Variants in DEFB110 observed in about 807,000 individuals in gnomAD.
The protein encoded by DEFB110 is defensin beta 110.
DEFB110 carries 4 observed loss-of-function variants against 2.5 expected under a neutral mutation model. The observed-to-expected ratio is 1.60, with a 90% CI of 0.79 to 3.66. The LOEUF (loss-of-function observed/expected upper bound fraction) is 3.66, where lower values mean the gene tolerates loss of function less well. Among genes scored for constraint, DEFB110 ranks in the 30% most tolerant of loss-of-function variants. DEFB110 has a pLI of 0.01. For synonymous variants in DEFB110, 29 were observed against 21.8 expected (o/e 1.33, Z -0.92); for missense variants, 94 against 75.4 (o/e 1.25, Z -0.91).
chr6:50,018,149 G>A (rs554991003), downstream of DEFB110, among the ~76,000 whole-genome samples: 6 of 152,036 alleles, frequency 3.9e-5, no homozygotes, highest in Non-Finnish European at 5.9e-5. Context: ...GAATACTGTG[G>A]CTCCTCAGAG....
chr6:50,019,549 T>A (rs760228136), intron 1 of DEFB110, among the ~76,000 whole-genome samples: 2 of 152,036 alleles, frequency 1.3e-5, no homozygotes, highest in African/African-American at 4.8e-5. Context: ...TGATTTTGCT[T>A]CTCTAAAATG....
At chr6:50,016,609 G>A (rs1774320999), downstream of DEFB110, among the ~76,000 whole-genome samples, 1 of 150,996 alleles carries the variant, frequency 6.6e-6, no homozygotes, top group Non-Finnish European at 1.5e-5. Flanking sequence ...TGGGGGCAGA[G>A]TAATTAGTAA....
chr6:50,016,778 A>C (rs1166442211), downstream of DEFB110, among the ~76,000 whole-genome samples: 1 of 151,746 alleles, frequency 6.6e-6, no homozygotes, highest in Non-Finnish European at 1.5e-5. Flanking sequence ...ATTCTCCTTC[A>C]ATTTTCTTAA....
chr6:50,009,636 A>G (rs529116282), intron 1 of DEFB110, among the ~76,000 whole-genome samples: 2 of 152,284 alleles, frequency 1.3e-5, no homozygotes, highest in South Asian at 2.1e-4. Flanking sequence ...CAGCCCTTCT[A>G]TAATAGTTAT....
At chr6:50,012,997 T>A (rs1774251484) in intron 1 of DEFB110, among the ~76,000 whole-genome samples, 1 of 151,916 alleles carries the variant, frequency 6.6e-6, no homozygotes, top group Admixed American at 6.6e-5. Flanking sequence ...CTATTTTTAC[T>A]ATTACTATTT....
chr6:50,019,155 G>A (rs1341710163), intron 1 of DEFB110, 30 bp from the exon 2 acceptor site: 6 of 1,605,586 alleles, frequency 3.7e-6, no homozygotes, highest in East Asian at 2.2e-5. Flanking sequence ...ACTAAAATTA[G>A]CCATCTAGCT....
At chr6:50,017,093 A>G (rs1450032110), downstream of DEFB110, among the ~76,000 whole-genome samples, 3 of 151,828 alleles carry the variant, frequency 2.0e-5, no homozygotes, top group African/African-American at 7.2e-5. Flanking sequence ...GTCTCTTCTT[A>G]GGTAAAATAA....
downstream of DEFB110, among the ~76,000 whole-genome samples, chr6:50,015,498 C>G (rs2113939699): frequency 6.6e-6 from 1 of 151,844 alleles, no homozygotes; most frequent in South Asian, 2.1e-4. Context: ...CAGGTGTTCC[C>G]CACACATTCC....
At chr6:50,010,909 G>T (rs1005550514) in intron 1 of DEFB110, among the ~76,000 whole-genome samples, 4 of 151,500 alleles carry the variant, frequency 2.6e-5, no homozygotes, top group Admixed American at 2.6e-4. Context: ...TATACACATA[G>T]AAATAATAGT....
At chr6:50,010,906 A>G (rs1774216231) in intron 1 of DEFB110, among the ~76,000 whole-genome samples, 1 of 151,696 alleles carries the variant, frequency 6.6e-6, no homozygotes, top group South Asian at 2.1e-4. Context: ...AAGTATACAC[A>G]TAGAAATAAT....
intron 1 of DEFB110, among the ~76,000 whole-genome samples, chr6:50,012,190 T>C (rs1399819672): frequency 5.9e-5 from 9 of 152,032 alleles, no homozygotes; most frequent in Admixed American, 4.6e-4. Flanking sequence ...TGTTACTCAC[T>C]GTTTATGCCC....
At chr6:50,019,538 T>C (rs1414457883) in intron 1 of DEFB110, among the ~76,000 whole-genome samples, 1 of 152,244 alleles carries the variant, frequency 6.6e-6, no homozygotes, top group African/African-American at 2.4e-5. Flanking sequence ...TCACTGTAGC[T>C]TGATTTTGCT....
chr6:50,015,847 T>C (rs1221026992), downstream of DEFB110, among the ~76,000 whole-genome samples: 4 of 151,796 alleles, frequency 2.6e-5, no homozygotes, highest in Non-Finnish European at 4.4e-5. Flanking sequence ...ATATATTGAA[T>C]GTAGTTTAAC....
In DEFB110 at chr6:50,019,057, A is replaced by G. The variant is rs574783169; in HGVS notation, c.124T>C (p.Cys42Arg). The change falls in exon 2 of 2, where the codon TGT becomes CGT. Residue 42 changes from cysteine to arginine, a missense_variant. Physicochemically the swap from Cys to Arg is radical, Grantham distance 180 (BLOSUM62 -3). Transcript: ENST00000371148. Reference sequence around the variant, plus strand: ...TCATTTTCATGACACTGATTTTTACATTGACCATTACCTATTCTGCACTCT... The same window carrying G: ...TCATTTTCATGACACTGATTTTTACGTTGACCATTACCTATTCTGCACTCT... ...RRECRIGNGQCKNQCHENEIR... is the reference protein window; with the variant it reads ...RRECRIGNGQRKNQCHENEIR... The G allele has an allele frequency of 1.3e-5, 21 of 1,613,240 alleles. No homozygotes were observed. Among genetic ancestry groups the G allele is most frequent in the South Asian group, 1.2e-4 (11 of 91,050 alleles).
At chr6:50,019,241 G>T in intron 1 of DEFB110, 116 bp from the exon 2 acceptor site, 1 of 1,106,006 alleles carries the variant, frequency 9.0e-7, no homozygotes. Context: ...ACCTACCTAT[G>T]GAGGAAAGTT....
chr6:50,019,302 G>C (rs928063705), intron 1 of DEFB110, among the ~76,000 whole-genome samples, 177 bp from the exon 2 acceptor site: 1 of 152,028 alleles, frequency 6.6e-6, no homozygotes, highest in Non-Finnish European at 1.5e-5. Context: ...AAATAAAAAG[G>C]GTCTTGGACT....
chr6:50,018,767 T>G, downstream of DEFB110: 1 of 1,227,468 alleles, frequency 8.1e-7, no homozygotes, highest in Non-Finnish European at 1.0e-6. Context: ...TAAGTCCTGC[T>G]ACTTCTGGTA....
intron 1 of DEFB110, among the ~76,000 whole-genome samples, chr6:50,011,928 C>T (rs921441756): frequency 6.6e-6 from 1 of 152,008 alleles, no homozygotes; most frequent in African/African-American, 2.4e-5. Flanking sequence ...AATTAAGTTT[C>T]ATGACTGGAT....
chr6:50,016,554 C>T (rs79813194), downstream of DEFB110, among the ~76,000 whole-genome samples: 2,145 of 151,530 alleles, frequency 0.014, 49 homozygotes, highest in African/African-American at 0.049. Context: ...CATTTTTTTG[C>T]CTTCCTTTTG....
Sources: gnomAD v4.1 joint callset for allele counts (sites outside exome capture counted in the v4.1 genomes callset) on GRCh38, gnomAD v4.1.1 for gene constraint, MANE v1.5 for transcripts, NCBI Gene and HGNC (gene_info 2026-07-23, HGNC 2026-07-21) for gene names.